HFM1: variants seen among roughly 807,000 people sequenced by gnomAD.
HFM1 encodes probable ATP-dependent DNA helicase HFM1.
A neutral mutation model predicts 192.1 loss-of-function variants in HFM1; 169 were observed. The ratio of observed to expected loss-of-function variants is 0.88; its 90% CI spans 0.78 to 1.00. The LOEUF is 1.00. HFM1 is among the 50% of genes least tolerant of loss of function. HFM1 has a pLI of 0.00. For missense variants in HFM1, 1,661 were observed against 1,668.0 expected (o/e 1.00, Z 0.07); for synonymous variants, 525 against 537.8 (o/e 0.98, Z 0.33).
chr1:91,287,312 C>G (rs566282702), intron 30 of HFM1, among the ~76,000 whole-genome samples: 34 of 152,318 alleles, frequency 2.2e-4, no homozygotes, highest in African/African-American at 2.9e-4. Flanking sequence ...AGCTGGAGAT[C>G]TGAGAAGGGG....
In HFM1 at chr1:91,379,049, T is replaced by G; in HGVS notation, c.1158+14A>C. ...AACAAACTAAAGAAATCATAAAGTA[T>G]AAATAATACCTACTGGAGTTGTCAT... On this transcript the variant is annotated intron_variant, in intron 9 of 38. Coordinates refer to ENST00000370425, the MANE Select transcript of HFM1 (RefSeq NM_001017975.6). 2 of 1,473,964 alleles carry G rather than the reference T, an allele frequency of 1.4e-6. No homozygotes were observed. Among genetic ancestry groups the G allele is most frequent in the Non-Finnish European group, 1.8e-6 (2 of 1,101,282 alleles). The allele number at this position is 1,473,964 out of a possible 1,614,324, so 91.3% of individuals were successfully genotyped here.
At chr1:91,320,420 T>C (rs1371465178) in intron 23 of HFM1, among the ~76,000 whole-genome samples, 1 of 152,170 alleles carries the variant, frequency 6.6e-6, no homozygotes. Flanking sequence ...ATACACAGTA[T>C]ACTATCAAAG....
intron 20 of HFM1, among the ~76,000 whole-genome samples, chr1:91,331,557 T>C (rs2101518772): frequency 6.6e-6 from 1 of 152,224 alleles, no homozygotes; most frequent in East Asian, 1.9e-4. Flanking sequence ...TAAAATTAAA[T>C]ATCTAGGAAT....
At chr1:91,375,128 T>C (rs1051930520) in intron 13 of HFM1, among the ~76,000 whole-genome samples, 25 of 152,080 alleles carry the variant, frequency 1.6e-4, no homozygotes, top group African/African-American at 5.8e-4. Context: ...TGAAATTAGG[T>C]TAAAAAAAAT....
intron 20 of HFM1, among the ~76,000 whole-genome samples, chr1:91,337,045 G>A (rs527345579): frequency 1.0e-3 from 155 of 152,280 alleles, no homozygotes; most frequent in Non-Finnish European, 1.1e-3. Flanking sequence ...ACACGTGGAC[G>A]CGTTGTGGGG....
intron 34 of HFM1, among the ~76,000 whole-genome samples, chr1:91,269,569 T>C (rs1249256913): frequency 2.6e-5 from 4 of 152,146 alleles, no homozygotes; most frequent in Admixed American, 6.6e-5. Flanking sequence ...TACTTTTGTA[T>C]GTTGATGTGC....
intron 1 of HFM1, among the ~76,000 whole-genome samples, chr1:91,401,323 TCTTC>T (rs1315118178): frequency 6.6e-6 from 1 of 152,208 alleles, no homozygotes; most frequent in African/African-American, 2.4e-5. Flanking sequence ...TGCTCCCTTC[TCTTC>T]ATAGTGCTCC....
chr1:91,405,204 G>A (rs1664743438), upstream of HFM1, among the ~76,000 whole-genome samples: 1 of 152,090 alleles, frequency 6.6e-6, no homozygotes, highest in African/African-American at 2.4e-5. Flanking sequence ...TATCACAGTG[G>A]CACTCATGAG....
intron 30 of HFM1, among the ~76,000 whole-genome samples, chr1:91,289,520 G>A (rs1256146638): frequency 2.6e-5 from 4 of 152,160 alleles, no homozygotes; most frequent in African/African-American, 9.7e-5. Context: ...CGGCTGGGAG[G>A]TGGAGGTTGT....
At chr1:91,351,182 T>C (rs908887686) in intron 17 of HFM1, among the ~76,000 whole-genome samples, 1 of 151,910 alleles carries the variant, frequency 6.6e-6, no homozygotes, top group Admixed American at 6.6e-5. Context: ...ATTTCCTCTA[T>C]TATTAAGTTA....
Position 91,385,181 on chromosome 1 carries a change from G to T in HFM1, c.802+6C>A. 2 of 1,495,624 alleles carry T rather than the reference G, an allele frequency of 1.3e-6. No individual in the cohort carries two copies. The highest frequency in any genetic ancestry group is 1.9e-6 in the Non-Finnish European group (2 of 1,080,512). 92.6% of individuals were successfully genotyped at this position (1,495,624 alleles called of 1,614,324 possible). On this transcript the variant is annotated splice_donor_region_variant and intron_variant, in intron 6 of 38. Coordinates refer to ENST00000370425, the MANE Select transcript of HFM1 (RefSeq NM_001017975.6). Reference sequence around the variant, plus strand: ...AAGCAGCTATTGTAAATAACTTAAAGGATACGAATTTCTGTGACAGCCTTC... The same window carrying T: ...AAGCAGCTATTGTAAATAACTTAAATGATACGAATTTCTGTGACAGCCTTC...
intron 30 of HFM1, among the ~76,000 whole-genome samples, chr1:91,312,057 C>T (rs1184582536): frequency 6.6e-6 from 1 of 152,172 alleles, no homozygotes; most frequent in Non-Finnish European, 1.5e-5. Context: ...TTGGGAACCT[C>T]CACCTGGATT....
chr1:91,287,066 C>T (rs9662393), intron 30 of HFM1, among the ~76,000 whole-genome samples: 14,603 of 152,082 alleles, frequency 0.096, 731 homozygotes, highest in East Asian at 0.16. Context: ...AACTGCAAGG[C>T]GGCAGCGAGG....
intron 30 of HFM1, among the ~76,000 whole-genome samples, chr1:91,292,116 G>T (rs956264827): frequency 6.6e-5 from 10 of 151,704 alleles, no homozygotes; most frequent in Admixed American, 2.6e-4. Context: ...ACAAAAACTG[G>T]AAGCATTCCC....
intron 13 of HFM1, among the ~76,000 whole-genome samples, chr1:91,369,085 C>A (rs1229231741): frequency 6.6e-6 from 1 of 152,146 alleles, no homozygotes; most frequent in South Asian, 2.1e-4. Flanking sequence ...ACAGGAGCAC[C>A]CAGATTCATA....
chr1:91,345,262 G>A (rs1380838664), intron 19 of HFM1, among the ~76,000 whole-genome samples: 1 of 152,136 alleles, frequency 6.6e-6, no homozygotes, highest in Non-Finnish European at 1.5e-5. Context: ...TGTAAAATAT[G>A]CAAGGAGTGT....
intron 30 of HFM1, among the ~76,000 whole-genome samples, chr1:91,311,124 G>T (rs1337743697): frequency 6.6e-6 from 1 of 152,184 alleles, no homozygotes; most frequent in African/African-American, 2.4e-5. Flanking sequence ...GGTTGAGGTG[G>T]TCTCAGATGA....
chr1:91,299,708 C>G (rs1251087968), intron 30 of HFM1, among the ~76,000 whole-genome samples: 4 of 152,144 alleles, frequency 2.6e-5, no homozygotes, highest in Non-Finnish European at 4.4e-5. Context: ...GAAATGAAGG[C>G]AGAAATAAAG....
rs1396782509 is a variant in HFM1, at chr1:91,356,068, A to C, written c.1686-2769T>G. Among the ~76,000 whole-genome samples the C allele has an allele frequency of 5.3e-5, 8 of 152,342 alleles. No individual in the cohort carries two copies. In the South Asian group the frequency reaches 1.7e-3, roughly 32 times the overall value. On this transcript the variant is annotated intron_variant, in intron 13 of 38. Transcript: ENST00000370425. ...CACAACAATATGAAACTAGAAATCAATAACAGGAAAAATCTTGAAAAAAAT... is the reference window on the plus strand; with the variant it reads ...CACAACAATATGAAACTAGAAATCACTAACAGGAAAAATCTTGAAAAAAAT...
Sources: allele counts gnomAD v4.1 joint callset (sites outside exome capture counted in the v4.1 genomes callset), GRCh38; gene constraint gnomAD v4.1.1; transcripts MANE v1.5; gene names NCBI Gene and HGNC (gene_info 2026-07-23, HGNC 2026-07-21).